The following SAMMSON variants were observed in gnomAD, a reference collection of about 807,000 sequenced individuals.
The protein encoded by SAMMSON is survival associated mitochondrial melanoma specific oncogenic non-coding RNA, also known as long intergenic non-protein coding RNA 1212.
chr3:70,173,701 T>G (rs1311047174), intron 4 of SAMMSON, among the ~76,000 whole-genome samples: 2 of 152,066 alleles, frequency 1.3e-5, no homozygotes, highest in East Asian at 3.9e-4. Context: ...ATAAGTACTT[T>G]TTTTGTGTTT....
intron 4 of SAMMSON, among the ~76,000 whole-genome samples, chr3:70,163,106 C>G (rs1483336743): frequency 6.6e-5 from 10 of 151,414 alleles, no homozygotes; most frequent in Non-Finnish European, 3.0e-5. Flanking sequence ...CTGACAACCT[C>G]TATCTTTTGA....
At chr3:70,080,188 A>G (rs1364147781) in intron 4 of SAMMSON, among the ~76,000 whole-genome samples, 1 of 152,206 alleles carries the variant, frequency 6.6e-6, no homozygotes, top group African/African-American at 2.4e-5. Flanking sequence ...GGAGGCACTC[A>G]CTGTCAGGCC....
chr3:70,016,985 T>C (rs1166827414), intron 3 of SAMMSON, among the ~76,000 whole-genome samples: 1 of 152,214 alleles, frequency 6.6e-6, no homozygotes, highest in Non-Finnish European at 1.5e-5. Context: ...TTTTGGTTAC[T>C]GTAGCCTTGT....
intron 4 of SAMMSON, among the ~76,000 whole-genome samples, chr3:70,191,299 T>G (rs1701130179): frequency 6.6e-6 from 1 of 152,214 alleles, no homozygotes; most frequent in Non-Finnish European, 1.5e-5. Context: ...GTATAGCTTT[T>G]GAGATAAAAG....
chr3:70,016,235 G>C (rs2066984603), intron 3 of SAMMSON, among the ~76,000 whole-genome samples: 1 of 152,142 alleles, frequency 6.6e-6, no homozygotes, highest in African/African-American at 2.4e-5. Context: ...GTTGTTTCCT[G>C]ACTTTTTAAT....
At chr3:70,255,192 A>C (rs1701803783) in intron 6 of SAMMSON, among the ~76,000 whole-genome samples, 1 of 152,248 alleles carries the variant, frequency 6.6e-6, no homozygotes, top group South Asian at 2.1e-4. Context: ...GTCTAAAAAA[A>C]GAAAAGTAAA....
intron 9 of SAMMSON, among the ~76,000 whole-genome samples, chr3:70,366,477 CGTTT>C (rs1255217698): frequency 9.1e-6 from 1 of 110,400 alleles, no homozygotes; most frequent in Non-Finnish European, 2.0e-5. Flanking sequence ...TGTTTTGTTT[CGTTT>C]GTGTTTTTAT....
intron 4 of SAMMSON, among the ~76,000 whole-genome samples, chr3:70,178,873 G>A (rs1701029248): frequency 1.3e-5 from 2 of 151,962 alleles, no homozygotes; most frequent in Admixed American, 6.6e-5. Context: ...TAGCTGGGCG[G>A]GTGGCATTCC....
intron 6 of SAMMSON, among the ~76,000 whole-genome samples, chr3:70,285,349 C>T (rs1453407220): frequency 1.3e-5 from 2 of 151,626 alleles, no homozygotes; most frequent in Admixed American, 6.6e-5. Context: ...AGAATGATGA[C>T]TTCCAATTTC....
chr3:70,013,142 A>G (rs927437944), intron 2 of SAMMSON, among the ~76,000 whole-genome samples: 3 of 152,110 alleles, frequency 2.0e-5, no homozygotes, highest in African/African-American at 7.3e-5. Context: ...TCTGGCATAT[A>G]GTAAATGTGA....
rs1703006495 is a variant in SAMMSON, at chr3:70,375,468, T to G, written n.914-14106T>G. 2.0e-5 allele frequency among the ~76,000 whole-genome samples: 3 copies of G among 151,966 alleles called. No individual in the cohort carries two copies. The South Asian group carries it at 6.2e-4, about 32-fold the overall frequency. On this transcript the variant is annotated intron_variant and non_coding_transcript_variant, in intron 9 of 9. Coordinates refer to ENST00000642114, the Ensembl canonical transcript of SAMMSON. Reference sequence around the variant, plus strand: ...ATATCGATGCTGTTCTAGACCCTCTTTTATTACTTGTCATGAGTGAGTTGG... The same window carrying G: ...ATATCGATGCTGTTCTAGACCCTCTGTTATTACTTGTCATGAGTGAGTTGG...
intron 4 of SAMMSON, chr3:70,205,321 A>G (rs1701279631): frequency 1.3e-5 from 2 of 151,894 alleles, no homozygotes; most frequent in African/African-American, 4.8e-5. Context: ...GTCCTCACCA[A>G]TCCCTGTTGT....
intron 4 of SAMMSON, among the ~76,000 whole-genome samples, chr3:70,156,737 T>A (rs1286670544): frequency 6.6e-6 from 1 of 152,074 alleles, no homozygotes; most frequent in East Asian, 1.9e-4. Flanking sequence ...AATGTCTGAT[T>A]TTTTTTCTTT....
chr3:70,418,505 C>G (rs1701283022), intron 2 of SAMMSON, among the ~76,000 whole-genome samples: 1 of 152,316 alleles, frequency 6.6e-6, no homozygotes, highest in East Asian at 1.9e-4. Flanking sequence ...TATAAATACC[C>G]TGCCATCCTG....
intron 7 of SAMMSON, among the ~76,000 whole-genome samples, chr3:70,317,995 C>G (rs112763918): frequency 4.6e-5 from 7 of 151,536 alleles, no homozygotes; most frequent in African/African-American, 1.7e-4. Context: ...ATCATTGTTC[C>G]TCTATATCTA....
chr3:70,327,861 G>C (rs1482262120), intron 7 of SAMMSON, among the ~76,000 whole-genome samples: 4 of 152,112 alleles, frequency 2.6e-5, no homozygotes. Context: ...ATGTTGAAAG[G>C]AATAAACAAA....
chr3:70,351,284 T>A (rs756312891), intron 7 of SAMMSON, among the ~76,000 whole-genome samples: 21 of 152,074 alleles, frequency 1.4e-4, no homozygotes, highest in South Asian at 4.1e-4. Context: ...CCTCCAAATT[T>A]TATGAATAAA....
At chr3:70,125,709 C>T (rs2067455055) in intron 4 of SAMMSON, 1 of 687,338 alleles carries the variant, frequency 1.5e-6, no homozygotes, top group African/African-American at 1.8e-5. Context: ...AAGGTAACAG[C>T]ACTAGATGTA....
chr3:70,104,630 G>A (rs1354062331), intron 4 of SAMMSON, among the ~76,000 whole-genome samples: 3 of 152,156 alleles, frequency 2.0e-5, no homozygotes, highest in Non-Finnish European at 4.4e-5. Flanking sequence ...AGTGCCAGGA[G>A]CTTAAAACTA....
Sources: allele counts gnomAD v4.1 joint callset (sites outside exome capture counted in the v4.1 genomes callset), GRCh38; gene constraint gnomAD v4.1.1; transcripts MANE v1.5; gene names NCBI Gene and HGNC (gene_info 2026-07-23, HGNC 2026-07-21).